Variants in CD99L2 observed in about 807,000 individuals in gnomAD.
CD99L2 encodes the protein CD99 molecule like 2.
CD99L2 carries 24 observed loss-of-function variants against 27.3 expected under a neutral mutation model. The ratio of observed to expected loss-of-function variants is 0.88; its 90% CI spans 0.64 to 1.24. The LOEUF (loss-of-function observed/expected upper bound fraction) is 1.24, where lower values mean the gene tolerates loss of function less well. Ranked by LOEUF, CD99L2 falls within the 50% of genes most tolerant of loss-of-function variation. The pLI, the probability that CD99L2 is intolerant of heterozygous loss-of-function variation, is 0.00. For synonymous variants in CD99L2, 97 were observed against 87.9 expected (o/e 1.10, Z -0.58); for missense variants, 255 against 221.6 (o/e 1.15, Z -0.96).
At chrX:150,790,516 G>GT (rs2045669734) in intron 7 of CD99L2, among the ~76,000 whole-genome samples, 1 of 111,457 alleles carries the variant, frequency 9.0e-6, no homozygotes, top group Non-Finnish European at 1.9e-5. Context: ...TTGAAAAACA[G>GT]TATTTTGACT....
intron 1 of CD99L2, among the ~76,000 whole-genome samples, chrX:150,871,673 C>A (rs1435477746): frequency 8.9e-6 from 1 of 112,036 alleles, no homozygotes; most frequent in African/African-American, 3.2e-5. Context: ...CCCCAAAAAG[C>A]CTTGGACACA....
chrX:150,775,802 A>G (rs1301701001), intron 9 of CD99L2, among the ~76,000 whole-genome samples: 1 of 111,677 alleles, frequency 9.0e-6, no homozygotes, highest in African/African-American at 3.3e-5. Flanking sequence ...AGGGCCTCCA[A>G]AGGCCCTCAT....
chrX:150,770,320 T>A lies in CD99L2; in HGVS notation c.705A>T (p.Val235=). The stretch of plus-strand genomic sequence containing the variant: ...AGTTCTCACCTTGGGGTTCCTCACA[T>A]ACCACGGCTTCCAGGTTCTCTCCCT... ...YVKGENLEAV[V]CEEPQVKYST... The change falls in exon 10 of 11, where the codon GTA becomes GTT. Residue 235 remains valine, a synonymous_variant. Coordinates refer to ENST00000370377, the MANE Select transcript of CD99L2 (RefSeq NM_031462.4). The A allele has an allele frequency of 8.3e-7, 1 of 1,211,743 alleles. No homozygotes were observed. The highest frequency in any genetic ancestry group is 1.1e-6 in the Non-Finnish European group (1 of 895,333).
chrX:150,776,911 A>G (rs1213766301), intron 8 of CD99L2: 1 of 133,546 alleles, frequency 7.5e-6, no homozygotes, highest in Non-Finnish European at 1.5e-5. Context: ...TATGTGTAAG[A>G]CGTACATTGG....
chrX:150,771,029 C>T (rs952262314), intron 9 of CD99L2, among the ~76,000 whole-genome samples: 2 of 112,425 alleles, frequency 1.8e-5, no homozygotes, highest in Admixed American at 9.4e-5. Context: ...CATTCCCTCC[C>T]GCCAGCAAGG....
At chrX:150,857,687 A>C in intron 1 of CD99L2, among the ~76,000 whole-genome samples, 1 of 112,163 alleles carries the variant, frequency 8.9e-6, no homozygotes, top group Non-Finnish European at 1.9e-5. Context: ...ATGGTAAAGC[A>C]AACACACAAA....
At chrX:150,844,989 T>G (rs189059391) in intron 1 of CD99L2, among the ~76,000 whole-genome samples, 2 of 112,527 alleles carry the variant, frequency 1.8e-5, no homozygotes, top group Admixed American at 9.4e-5. Flanking sequence ...TATCTAAGCG[T>G]CCGTATGTAG....
intron 1 of CD99L2, among the ~76,000 whole-genome samples, chrX:150,880,664 G>A (rs1282248005): frequency 9.0e-6 from 1 of 111,718 alleles, no homozygotes; most frequent in Non-Finnish European, 1.9e-5. Context: ...CCACCGAGCT[G>A]TGTATTTTAA....
chrX:150,778,685 A>ATATATATATAT (rs1557419365), intron 7 of CD99L2, among the ~76,000 whole-genome samples: 2 of 81,514 alleles, frequency 2.5e-5, no homozygotes, highest in African/African-American at 9.8e-5. Flanking sequence ...AAAAAAAAAA[A>ATATATATATAT]ATATATATAT....
At chrX:150,884,124 T>C (rs1254394230) in intron 1 of CD99L2, among the ~76,000 whole-genome samples, 1 of 112,044 alleles carries the variant, frequency 8.9e-6, no homozygotes, top group African/African-American at 3.2e-5. Context: ...AGAGAAGCAA[T>C]TTTCAAACTT....
At chrX:150,797,206 C>A (rs1022624871) in intron 4 of CD99L2, among the ~76,000 whole-genome samples, 1 of 111,180 alleles carries the variant, frequency 9.0e-6, no homozygotes, top group Admixed American at 9.5e-5. Context: ...AAAAAAAAAT[C>A]AATAAAACCA....
At chrX:150,798,522 C>A (rs2045851202) in intron 4 of CD99L2, among the ~76,000 whole-genome samples, 1 of 110,401 alleles carries the variant, frequency 9.1e-6, no homozygotes, top group Non-Finnish European at 1.9e-5. Context: ...ATACTACATA[C>A]AAAAATTAAC....
At chrX:150,870,347 C>T (rs1461485894) in intron 1 of CD99L2, among the ~76,000 whole-genome samples, 1 of 111,749 alleles carries the variant, frequency 8.9e-6, no homozygotes, top group African/African-American at 3.3e-5. Flanking sequence ...TTACAGAGTG[C>T]ACAGATTTTA....
chrX:150,776,064 T>C, intron 9 of CD99L2, 110 bp downstream of exon 9: 1 of 1,003,197 alleles, frequency 1.0e-6, no homozygotes, highest in East Asian at 3.2e-5. Flanking sequence ...GAAGTCTGCT[T>C]GGGAGTGGGT....
chrX:150,772,794 G>C (rs1487228899), intron 9 of CD99L2, among the ~76,000 whole-genome samples: 1 of 111,298 alleles, frequency 9.0e-6, no homozygotes, highest in Admixed American at 9.5e-5. Flanking sequence ...CAGGACTGGG[G>C]AATGCACGGA....
intron 1 of CD99L2, among the ~76,000 whole-genome samples, chrX:150,897,526 A>AGTGT (rs58656065): frequency 0.028 from 2,857 of 103,800 alleles, 40 homozygotes; most frequent in African/African-American, 0.037. Context: ...ACTAGGACAA[A>AGTGT]GTGTGTGTGT....
At chrX:150,892,847 C>T (rs1483124728) in intron 1 of CD99L2, among the ~76,000 whole-genome samples, 1 of 110,966 alleles carries the variant, frequency 9.0e-6, no homozygotes, top group African/African-American at 3.3e-5. Flanking sequence ...ACAAGCTGGG[C>T]GCGGTGGTTC....
At chrX:150,770,592 TAAC>T (rs1318427993) in intron 9 of CD99L2, among the ~76,000 whole-genome samples, 32 of 112,482 alleles carry the variant, frequency 2.8e-4, no homozygotes, top group Non-Finnish European at 1.3e-4. Flanking sequence ...TCCTCAGAAA[TAAC>T]AACGACATGC....
At chrX:150,806,848 G>T (rs782242545) in intron 4 of CD99L2, among the ~76,000 whole-genome samples, 1 of 110,523 alleles carries the variant, frequency 9.0e-6, no homozygotes, top group African/African-American at 3.3e-5. Flanking sequence ...CTGAGACCAT[G>T]CCATTGCACT....
Sources: gnomAD v4.1 joint callset for allele counts (sites outside exome capture counted in the v4.1 genomes callset) on GRCh38, gnomAD v4.1.1 for gene constraint, MANE v1.5 for transcripts, NCBI Gene and HGNC (gene_info 2026-07-23, HGNC 2026-07-21) for gene names.